The following IL18 variants were observed in gnomAD, a reference collection of about 807,000 sequenced individuals.
IL18 encodes interleukin 18, also known as interleukin-18.
Under a neutral mutation model 14.2 loss-of-function variants are expected in IL18, and 8 were observed. The observed-to-expected ratio is 0.56, with a 90% confidence interval of 0.33 to 1.01. The LOEUF is 1.01. IL18 is among the 50% of genes least tolerant of loss of function. The probability of loss-of-function intolerance (pLI) is 0.03; values close to 1 mark genes in which losing one functional copy is unlikely to be tolerated. For missense variants in IL18, 166 were observed against 231.1 expected (o/e 0.72, Z 1.83); for synonymous variants, 67 against 71.0 (o/e 0.94, Z 0.28).
intron 5 of IL18, among the ~76,000 whole-genome samples, chr11:112,144,884 G>C (rs1409765314): frequency 6.6e-6 from 1 of 152,222 alleles, no homozygotes; most frequent in East Asian, 1.9e-4. Flanking sequence ...TAGATTACTT[G>C]AAACTATAAT....
At chr11:112,146,184 T>G (rs1232589737) in intron 5 of IL18, among the ~76,000 whole-genome samples, 1 of 152,070 alleles carries the variant, frequency 6.6e-6, no homozygotes, top group Admixed American at 6.6e-5. Flanking sequence ...TATATGTATA[T>G]ATATGAAACA....
In IL18 at chr11:112,150,214, A is replaced by C; in HGVS notation, c.92-8T>G. 6.7e-7 allele frequency: 1 copy of C among 1,503,260 alleles called. No homozygotes were observed. Among genetic ancestry groups the C allele is most frequent in the African/African-American group, 1.4e-5 (1 of 72,446 alleles). The allele number at this position is 1,503,260 out of a possible 1,614,324, so 93.1% of individuals were successfully genotyped here. A position where few individuals can be genotyped will look rare whatever the true frequency, so the allele number is the denominator to read the frequency against. On this transcript the variant is annotated splice_polypyrimidine_tract_variant and splice_region_variant and intron_variant, in intron 3 of 5. Transcript: ENST00000280357. ...AATCTGATTCCAGGTTTTCTACAATAAACATTAAATCTCATTTAAAAATAC... is the reference window on the plus strand; with the variant it reads ...AATCTGATTCCAGGTTTTCTACAATCAACATTAAATCTCATTTAAAAATAC...
chr11:112,161,906 T>A (rs1866638243), intron 1 of IL18, among the ~76,000 whole-genome samples: 1 of 148,590 alleles, frequency 6.7e-6, no homozygotes, highest in East Asian at 2.4e-4. Context: ...ATTCCAATCC[T>A]GTTGAATAGG....
At chr11:112,147,208 G>A (rs1866359204) in intron 5 of IL18, among the ~76,000 whole-genome samples, 1 of 152,172 alleles carries the variant, frequency 6.6e-6, no homozygotes. Context: ...GGGATTACAG[G>A]TGTGAGCCAC....
chr11:112,147,053 C>T (rs1265011346), intron 5 of IL18, among the ~76,000 whole-genome samples: 3 of 151,760 alleles, frequency 2.0e-5, no homozygotes, highest in African/African-American at 7.3e-5. Flanking sequence ...GCCTCAGCCT[C>T]CCGAGTAGCT....
chr11:112,144,553 G>A (rs1173779308), intron 5 of IL18, among the ~76,000 whole-genome samples: 1 of 152,206 alleles, frequency 6.6e-6, no homozygotes, highest in East Asian at 1.9e-4. Flanking sequence ...GGCCTGGCCA[G>A]TTCTCATTTC....
chr11:112,149,543 ATTTTC>A (rs1812030084), intron 4 of IL18, among the ~76,000 whole-genome samples: 3 of 128,520 alleles, frequency 2.3e-5, no homozygotes, highest in South Asian at 2.6e-4. Flanking sequence ...AGACTTGATC[ATTTTC>A]TTTTCTTAAG....
intron 5 of IL18, among the ~76,000 whole-genome samples, chr11:112,147,383 G>A (rs528471064): frequency 1.6e-4 from 24 of 152,254 alleles, no homozygotes; most frequent in Non-Finnish European, 2.9e-4. Context: ...CTGTAGGTTC[G>A]GACTTATCCC....
chr11:112,158,235 C>T (rs534742838), intron 1 of IL18, among the ~76,000 whole-genome samples: 19 of 152,240 alleles, frequency 1.2e-4, no homozygotes, highest in Admixed American at 9.2e-4. Flanking sequence ...GTGATCTGCC[C>T]GCCTTGGCCT....
rs1866279808 is a variant in IL18 at position 112,143,449 on chromosome 11, T to G, written c.*147A>C. 1 of 568,860 alleles carries G rather than the reference T, an allele frequency of 1.8e-6. No individual in the cohort carries two copies. The highest frequency in any genetic ancestry group is 3.1e-6 in the Non-Finnish European group (1 of 320,520). 35.2% of individuals were successfully genotyped at this position (568,860 alleles called of 1,614,324 possible). On this transcript the variant is annotated 3_prime_UTR_variant, in exon 6 of 6. Transcript: ENST00000280357. Reference sequence around the variant, plus strand: ...GCATGCGTCACTACACTCAGCTAATTTTTTGTATTTTTAGTAGAGATGAGG... The same window carrying G: ...GCATGCGTCACTACACTCAGCTAATGTTTTGTATTTTTAGTAGAGATGAGG...
chr11:112,159,857 A>G (rs1866599804), intron 1 of IL18, among the ~76,000 whole-genome samples: 1 of 152,184 alleles, frequency 6.6e-6, no homozygotes, highest in Admixed American at 6.5e-5. Context: ...TGGGAGGGGA[A>G]AAGTAAAGAC....
chr11:112,150,135 C>T lies in IL18; in HGVS notation c.163G>A (p.Val55Ile), dbSNP rs1438010700. The change falls in exon 4 of 6, where the codon GTT becomes ATT. Residue 55 changes from valine to isoleucine, a missense_variant. By Grantham distance (29) the Val-to-Ile change is conservative. Transcript: ENST00000280357. Reference sequence around the variant, plus strand: ...CGATTTCCTTGGTCAATGAAGAGAACTTGGTCATTCAAATTTCTTATGACT... The same window carrying T: ...CGATTTCCTTGGTCAATGAAGAGAATTTGGTCATTCAAATTTCTTATGACT... ...LSVIRNLNDQ[V>I]LFIDQGNRPL... The T allele has an allele frequency of 1.2e-6, 2 of 1,608,486 alleles. No homozygotes were observed. The highest frequency in any genetic ancestry group is 1.1e-5 in the South Asian group (1 of 90,768).
intron 1 of IL18, among the ~76,000 whole-genome samples, chr11:112,158,210 A>G (rs1866567350): frequency 6.6e-6 from 1 of 152,150 alleles, no homozygotes; most frequent in Non-Finnish European, 1.5e-5. Flanking sequence ...GCTGGTCTCA[A>G]ACTCCTGACC....
At chr11:112,153,246 A>G (rs895016070) in intron 3 of IL18, 2 of 196,896 alleles carry the variant, frequency 1.0e-5, no homozygotes, top group Non-Finnish European at 2.0e-5. Context: ...ATTTTGGACA[A>G]TTCTAATGCT....
chr11:112,147,748 T>C (rs1239550153), intron 5 of IL18, among the ~76,000 whole-genome samples: 1 of 152,156 alleles, frequency 6.6e-6, no homozygotes, highest in African/African-American at 2.4e-5. Context: ...TAAGGTCATA[T>C]CCTAACTGTC....
At chr11:112,144,870 T>C (rs1313973364) in intron 5 of IL18, among the ~76,000 whole-genome samples, 1 of 151,898 alleles carries the variant, frequency 6.6e-6, no homozygotes, top group African/African-American at 2.4e-5. Context: ...TTGTGAGAAA[T>C]GGTTAGATTA....
At chr11:112,149,558 G>GTTTTTTTTTTTT (rs561459069) in intron 4 of IL18, among the ~76,000 whole-genome samples, 3 of 99,372 alleles carry the variant, frequency 3.0e-5, no homozygotes, top group African/African-American at 3.9e-5. Context: ...CTTTTCTTAA[G>GTTTTTTTTTTTT]TTTTTTTTTT....
intron 1 of IL18, among the ~76,000 whole-genome samples, chr11:112,157,740 G>A (rs868312068): frequency 6.6e-6 from 1 of 152,062 alleles, no homozygotes; most frequent in Non-Finnish European, 1.5e-5. Context: ...CGGGGAGACC[G>A]AGAAAATATG....
At chr11:112,143,856 T>C in intron 5 of IL18, 39 bp from the exon 6 acceptor site, 1 of 1,250,662 alleles carries the variant, frequency 8.0e-7, no homozygotes, top group East Asian at 2.3e-5. Flanking sequence ...TTTCAGGACA[T>C]GAACAATTTG....
Sources: allele counts gnomAD v4.1 joint callset (sites outside exome capture counted in the v4.1 genomes callset), GRCh38; gene constraint gnomAD v4.1.1; transcripts MANE v1.5; gene names NCBI Gene and HGNC (gene_info 2026-07-23, HGNC 2026-07-21).